USP15: variants seen among roughly 807,000 people sequenced by gnomAD.
USP15 encodes the protein ubiquitin carboxyl-terminal hydrolase 15.
USP15 carries 18 observed loss-of-function variants against 127.1 expected under a neutral mutation model. The ratio of observed to expected loss-of-function variants is 0.14; its 90% CI spans 0.10 to 0.21. USP15 has a LOEUF of 0.21. Ranked by LOEUF, USP15 falls within the 10% of genes least tolerant of loss-of-function variation. The pLI is 1.00. For missense variants in USP15, 805 were observed against 1,159.9 expected (o/e 0.69, Z 4.44); for synonymous variants, 364 against 393.7 (o/e 0.92, Z 0.89).
In USP15 at chr12:62,406,813, T is replaced by A. The variant is rs2067881385; in HGVS notation, c.*2438T>A. On this transcript the variant is annotated 3_prime_UTR_variant, in exon 22 of 22. Coordinates refer to ENST00000280377, the MANE Select transcript of USP15 (RefSeq NM_001252078.2). ...TCATCTGTACAAATATATGTATTTT[T>A]TTTTAATTAGCTGGGTGTGCACACA... is the stretch of plus-strand genomic sequence containing the variant. 6.6e-6 allele frequency: 1 copy of A among 151,988 alleles called. No individual in the cohort carries two copies. Among genetic ancestry groups the A allele is most frequent in the African/African-American group, 2.4e-5 (1 of 41,376 alleles). The allele number at this position is 151,988 out of a possible 1,614,324, so 9.4% of individuals were successfully genotyped here.
At chr12:62,357,370 C>T (rs1324318943) in intron 8 of USP15, among the ~76,000 whole-genome samples, 1 of 152,030 alleles carries the variant, frequency 6.6e-6, no homozygotes, top group Non-Finnish European at 1.5e-5. Flanking sequence ...GTTTAGCTTT[C>T]TTGCATGTTA....
rs907513042 is a variant in USP15 at position 62,416,123 on chromosome 12, G to A, written c.*11748G>A. On this transcript the variant is annotated 3_prime_UTR_variant, in exon 22 of 22. Coordinates refer to ENST00000280377, the MANE Select transcript of USP15 (RefSeq NM_001252078.2). ...CAAACATGTCATACTACTTGACAAT[G>A]GGGCTTTCCCACATTTGTCCCACAT... is the stretch of plus-strand genomic sequence containing the variant. 6.6e-6 allele frequency: 1 copy of A among 152,158 alleles called. No individual in the cohort carries two copies. Among genetic ancestry groups the A allele is most frequent in the African/African-American group, 2.4e-5 (1 of 41,416 alleles). The allele number at this position is 152,158 out of a possible 1,614,324, so 9.4% of individuals were successfully genotyped here. A position where few individuals can be genotyped will look rare whatever the true frequency, so the allele number is the denominator to read the frequency against.
intron 8 of USP15, among the ~76,000 whole-genome samples, chr12:62,361,688 A>G (rs139344209): frequency 1.3e-3 from 199 of 152,104 alleles, no homozygotes; most frequent in African/African-American, 4.5e-3. Context: ...TGTAATGGGA[A>G]CTACAGATTT....
intron 6 of USP15, among the ~76,000 whole-genome samples, chr12:62,343,406 C>T (rs1393724429): frequency 6.6e-6 from 1 of 152,234 alleles, no homozygotes; most frequent in Non-Finnish European, 1.5e-5. Flanking sequence ...AGCCCCCTTT[C>T]CAGGGGAGCG....
intron 1 of USP15, among the ~76,000 whole-genome samples, chr12:62,273,412 A>T (rs955454472): frequency 6.6e-6 from 1 of 152,030 alleles, no homozygotes. Context: ...CAACCACTTT[A>T]TTCATATGAA....
intron 2 of USP15, among the ~76,000 whole-genome samples, chr12:62,296,278 G>C (rs1307775954): frequency 6.6e-6 from 1 of 152,142 alleles, no homozygotes; most frequent in East Asian, 1.9e-4. Context: ...GCCTTGTAAA[G>C]CCCTAAGCAC....
intron 1 of USP15, among the ~76,000 whole-genome samples, chr12:62,264,833 A>C (rs944845790): frequency 6.6e-6 from 1 of 152,248 alleles, no homozygotes; most frequent in African/African-American, 2.4e-5. Context: ...AAATTTTTAT[A>C]TTACTATTAC....
chr12:62,376,677 C>T (rs534798945), intron 8 of USP15, among the ~76,000 whole-genome samples: 1 of 152,050 alleles, frequency 6.6e-6, no homozygotes, highest in East Asian at 1.9e-4. Context: ...TGTCATGATA[C>T]ATTCATATAT....
At chr12:62,366,213 T>C (rs1039668708) in intron 8 of USP15, among the ~76,000 whole-genome samples, 2 of 152,220 alleles carry the variant, frequency 1.3e-5, no homozygotes, top group Non-Finnish European at 2.9e-5. Context: ...GTTTGTGTCC[T>C]CTCTTATTTC....
chr12:62,375,913 G>A (rs2066815031), intron 8 of USP15, among the ~76,000 whole-genome samples: 1 of 152,094 alleles, frequency 6.6e-6, no homozygotes, highest in Non-Finnish European at 1.5e-5. Flanking sequence ...TTTCCTTGTG[G>A]ATCAGCTTTT....
rs116707308 is a variant in USP15 at position 62,368,225 on chromosome 12, C to A, written c.915+12750C>A. Among the ~76,000 whole-genome samples the A allele has an allele frequency of 5.6e-3, 852 of 152,188 alleles. 11 individuals are homozygous for A. The highest frequency in any genetic ancestry group is 0.019 in the African/African-American group (806 of 41,500). ...GCATTTGCTGAGGAGTATTTTACTT[C>A]TTATTATTTGGTCAATTTTAGAATA... On this transcript the variant is annotated intron_variant, in intron 8 of 21. Transcript: ENST00000280377.
chr12:62,268,796 G>A lies in USP15; in HGVS notation c.89+8293G>A, dbSNP rs559814095. On this transcript the variant is annotated intron_variant, in intron 1 of 21. Transcript: ENST00000280377. ...CCTTACAATTTGCCCACTTAAAGTGGACAGTTCACTGGGTTTTAGTATACT... is the reference window on the plus strand; with the variant it reads ...CCTTACAATTTGCCCACTTAAAGTGAACAGTTCACTGGGTTTTAGTATACT... Among the ~76,000 whole-genome samples the A allele has an allele frequency of 5.3e-4, 80 of 152,108 alleles. 1 individual carries two copies. The South Asian group carries it at 0.016, about 30-fold the overall frequency.
At chr12:62,314,322 C>CT (rs2064767316) in intron 3 of USP15, among the ~76,000 whole-genome samples, 1 of 151,758 alleles carries the variant, frequency 6.6e-6, no homozygotes, top group African/African-American at 2.4e-5. Flanking sequence ...GTATAAACAA[C>CT]TTTTTAAAGG....
chr12:62,378,509 CA>C (rs2066900175), intron 8 of USP15, among the ~76,000 whole-genome samples: 1 of 152,074 alleles, frequency 6.6e-6, no homozygotes, highest in African/African-American at 2.4e-5. Flanking sequence ...TCACAGATAA[CA>C]CAGGCAAATT....
At chr12:62,283,494 A>G (rs1193987682) in intron 1 of USP15, among the ~76,000 whole-genome samples, 1 of 152,232 alleles carries the variant, frequency 6.6e-6, no homozygotes, top group Non-Finnish European at 1.5e-5. Context: ...AAAATAGGCA[A>G]TAGACAAGAA....
intron 1 of USP15, among the ~76,000 whole-genome samples, chr12:62,275,687 C>G (rs1358821810): frequency 2.0e-5 from 3 of 151,880 alleles, no homozygotes; most frequent in African/African-American, 7.3e-5. Context: ...GAAAAGGTCT[C>G]CAAGGAAGCA....
In USP15 at chr12:62,340,941, A is replaced by G. The variant is rs146113295; in HGVS notation, c.684-8280A>G. Among the ~76,000 whole-genome samples the G allele has an allele frequency of 1.6e-3, 248 of 152,140 alleles. 1 individual carries two copies. The highest frequency in any genetic ancestry group is 5.9e-3 in the African/African-American group (244 of 41,520). On this transcript the variant is annotated intron_variant, in intron 6 of 21. Transcript: ENST00000280377. ...TCCTGAATATCCTTGTTAATTTTCT[A>G]TCTCATTGATCTGTCTAGTATTGAC...
At chr12:62,378,343 A>G (rs1422144457) in intron 8 of USP15, among the ~76,000 whole-genome samples, 1 of 152,230 alleles carries the variant, frequency 6.6e-6, no homozygotes, top group Non-Finnish European at 1.5e-5. Flanking sequence ...GTATTAGTAG[A>G]ACAATTATAT....
At chr12:62,342,010 A>T (rs758395128) in intron 6 of USP15, among the ~76,000 whole-genome samples, 9 of 152,044 alleles carry the variant, frequency 5.9e-5, no homozygotes, top group Non-Finnish European at 8.8e-5. Flanking sequence ...GTGTTTTCCA[A>T]CTTGGTTCCA....
Sources: allele counts gnomAD v4.1 joint callset (sites outside exome capture counted in the v4.1 genomes callset), GRCh38; gene constraint gnomAD v4.1.1; transcripts MANE v1.5; gene names NCBI Gene and HGNC (gene_info 2026-07-23, HGNC 2026-07-21).